The following ESRRG variants were observed in gnomAD, a reference collection of about 807,000 sequenced individuals.
ESRRG encodes the protein estrogen related receptor gamma.
ESRRG carries 13 observed loss-of-function variants against 44.0 expected under a neutral mutation model. The observed-to-expected ratio is 0.30, with a 90% CI of 0.19 to 0.47. ESRRG has a LOEUF of 0.47. Ranked by LOEUF, ESRRG falls within the 20% of genes least tolerant of loss-of-function variation. The probability of loss-of-function intolerance (pLI) is 1.00; values close to 1 mark genes in which losing one functional copy is unlikely to be tolerated. For synonymous variants in ESRRG, 215 were observed against 214.6 expected, an observed-to-expected ratio of 1.00 and a Z score of -0.02; for missense variants, 395 against 580.6, an observed-to-expected ratio of 0.68 and a Z score of 3.29.
At chr1:216,706,316 C>T (rs115271336) in intron 1 of ESRRG, among the ~76,000 whole-genome samples, 4 of 152,114 alleles carry the variant, frequency 2.6e-5, no homozygotes, top group Non-Finnish European at 4.4e-5. Context: ...AACCCACAAA[C>T]GAAGCAAAAA....
At chr1:216,577,918 T>C (rs2061990941) in intron 3 of ESRRG, among the ~76,000 whole-genome samples, 1 of 151,970 alleles carries the variant, frequency 6.6e-6, no homozygotes, top group African/African-American at 2.4e-5. Context: ...GAAATTCTAA[T>C]AGGGGAAAAC....
chr1:216,821,774 A>T (rs898343342), intron 2 of ESRRG, among the ~76,000 whole-genome samples: 2 of 151,378 alleles, frequency 1.3e-5, no homozygotes, highest in Admixed American at 6.6e-5. Flanking sequence ...AAGAACATTT[A>T]AAAAATTTTA....
chr1:216,634,846 AC>A (rs1447195103), intron 3 of ESRRG, among the ~76,000 whole-genome samples: 1 of 152,238 alleles, frequency 6.6e-6, no homozygotes, highest in East Asian at 1.9e-4. Context: ...CTGGCAGTTT[AC>A]CATTATACAT....
intron 1 of ESRRG, among the ~76,000 whole-genome samples, chr1:216,683,258 AT>A (rs2077346942): frequency 6.6e-6 from 1 of 152,174 alleles, no homozygotes; most frequent in African/African-American, 2.4e-5. Context: ...TAAAGAAAGA[AT>A]TGTGAATCCT....
At chr1:216,821,611 G>A (rs2095289652) in intron 2 of ESRRG, among the ~76,000 whole-genome samples, 1 of 150,494 alleles carries the variant, frequency 6.6e-6, no homozygotes, top group Admixed American at 6.7e-5. Flanking sequence ...CTTGTGCCCA[G>A]GAGTTTGAGG....
chr1:216,826,336 A>G (rs1469518665), intron 2 of ESRRG, among the ~76,000 whole-genome samples: 1 of 152,180 alleles, frequency 6.6e-6, no homozygotes, highest in African/African-American at 2.4e-5. Context: ...ATGTAGTATC[A>G]GGATCAAACG....
intron 1 of ESRRG, among the ~76,000 whole-genome samples, chr1:216,965,412 TG>T (rs1403916312): frequency 6.6e-6 from 1 of 152,204 alleles, no homozygotes; most frequent in Non-Finnish European, 1.5e-5. Context: ...CATTCTAGTT[TG>T]AATGTTATCA....
In ESRRG at chr1:216,506,460, AAAGGG is replaced by A. The variant is rs903556670; in HGVS notation, c.*474_*478del. 2.1e-5 allele frequency: 7 copies of A among 334,086 alleles called. No homozygotes were observed. Among genetic ancestry groups the A allele is most frequent in the African/African-American group, 1.3e-4 (6 of 45,652 alleles). 20.7% of individuals were successfully genotyped at this position (334,086 alleles called of 1,614,324 possible). ...AAGAAGGTCAAGAGGAAAGGAAAGG[AAAGGG>A]AAAAGGAAAGGGAAAAAGGAAAGAA... On this transcript the variant is annotated 3_prime_UTR_variant, in exon 7 of 7. Coordinates refer to ENST00000408911, the MANE Select transcript of ESRRG (RefSeq NM_001438.4).
At chr1:216,570,157 A>G (rs10863256) in intron 3 of ESRRG, among the ~76,000 whole-genome samples, 77,204 of 152,050 alleles carry the variant, frequency 0.51, 21,103 homozygotes, top group African/African-American at 0.73. Context: ...GGTTCTAGAT[A>G]AAGCCTGAAT....
At chr1:216,745,187 C>T (rs1471169396) in intron 2 of ESRRG, among the ~76,000 whole-genome samples, 1 of 151,940 alleles carries the variant, frequency 6.6e-6, no homozygotes, top group African/African-American at 2.4e-5. Context: ...TAAGTCGAGT[C>T]TCACTCTGTC....
rs183648057 is a variant in ESRRG, at chr1:216,761,173, A to T, written c.-13-83682T>A. 1.9e-3 allele frequency among the ~76,000 whole-genome samples: 290 copies of T among 151,860 alleles called. 3 individuals carry two copies. Among genetic ancestry groups the T allele is most frequent in the African/African-American group, 6.7e-3 (276 of 41,476 alleles). On this transcript the variant is annotated intron_variant, in intron 2 of 7. Coordinates refer to the ESRRG transcript ENST00000359162. ...ACCTACTACACAAATAAAAAAAAAA[A>T]ATTTTCTTGTTCTAGAAATAAGGTG...
chr1:216,828,746 A>G (rs1271735505), intron 2 of ESRRG, among the ~76,000 whole-genome samples: 2 of 152,198 alleles, frequency 1.3e-5, no homozygotes, highest in Non-Finnish European at 2.9e-5. Context: ...ACCAAAGGCT[A>G]TATTTCAGTG....
chr1:216,974,791 C>T (rs2072502978), intron 1 of ESRRG, among the ~76,000 whole-genome samples: 1 of 151,982 alleles, frequency 6.6e-6, no homozygotes, highest in Admixed American at 6.6e-5. Flanking sequence ...CTCTTTCCCT[C>T]CCCACCCCCA....
upstream of ESRRG, among the ~76,000 whole-genome samples, chr1:216,724,360 G>A (rs2087036106): frequency 1.0e-5 from 1 of 98,410 alleles, no homozygotes; most frequent in South Asian, 3.4e-4. Context: ...AATAAAGACA[G>A]CATTTTTTTT....
intron 1 of ESRRG, among the ~76,000 whole-genome samples, chr1:217,043,958 T>C (rs997510524): frequency 6.6e-6 from 1 of 152,086 alleles, no homozygotes; most frequent in Admixed American, 6.6e-5. Flanking sequence ...ATTTTAACTT[T>C]ACCTTTCTCC....
chr1:216,830,105 A>G (rs1264703556), intron 2 of ESRRG, among the ~76,000 whole-genome samples: 1 of 152,182 alleles, frequency 6.6e-6, no homozygotes, highest in African/African-American at 2.4e-5. Context: ...CGGGCCTACA[A>G]TGCATTCATT....
chr1:217,094,958 T>C (rs942935938), intron 1 of ESRRG, among the ~76,000 whole-genome samples: 2 of 152,208 alleles, frequency 1.3e-5, no homozygotes, highest in African/African-American at 4.8e-5. Flanking sequence ...CTTAACCAGG[T>C]TTCATTATAG....
At position 216,668,724 on chromosome 1, in the gene ESRRG, A is replaced by G. The variant is rs777306774; in HGVS notation, c.472+8352T>C. Among the ~76,000 whole-genome samples, 3 of 152,028 alleles carry G rather than the reference A, an allele frequency of 2.0e-5. No homozygotes were observed. The East Asian group carries it at 5.8e-4, about 29-fold the overall frequency. The stretch of plus-strand genomic sequence containing the variant: ...AGCTAGCCAACACACACACACACTC[A>G]CACACACACATATATTCACGCATAT... On this transcript the variant is annotated intron_variant, in intron 2 of 6. Transcript: ENST00000408911.
intron 2 of ESRRG, among the ~76,000 whole-genome samples, chr1:216,934,259 C>A (rs1001192128): frequency 5.9e-5 from 9 of 152,070 alleles, no homozygotes; most frequent in African/African-American, 2.2e-4. Flanking sequence ...CATGGCGAAA[C>A]CCCGTCTCTA....
Sources: gnomAD v4.1 joint callset for allele counts (sites outside exome capture counted in the v4.1 genomes callset) on GRCh38, gnomAD v4.1.1 for gene constraint, MANE v1.5 for transcripts, NCBI Gene and HGNC (gene_info 2026-07-23, HGNC 2026-07-21) for gene names.